SNTG2: variants seen among roughly 807,000 people sequenced by gnomAD.
SNTG2 encodes syntrophin gamma 2.
SNTG2 carries 74 observed loss-of-function variants against 70.9 expected under a neutral mutation model. That is an observed-to-expected ratio of 1.04 (90% CI 0.86 to 1.27). SNTG2 has a LOEUF of 1.27. Ranked by LOEUF, SNTG2 falls within the 50% of genes most tolerant of loss-of-function variation. The pLI, the probability that SNTG2 is intolerant of heterozygous loss-of-function variation, is 0.00. For synonymous variants in SNTG2, 278 were observed against 273.8 expected (o/e 1.02, Z -0.15); for missense variants, 717 against 690.7 (o/e 1.04, Z -0.43).
intron 1 of SNTG2, among the ~76,000 whole-genome samples, chr2:1,005,806 AAT>A (rs56246912): frequency 3.2e-5 from 1 of 31,268 alleles, no homozygotes; most frequent in African/African-American, 1.3e-4. Flanking sequence ...TCTGCCTCAA[AAT>A]ATATATATAT....
At chr2:1,212,804 C>G (rs1290898484) in intron 9 of SNTG2, among the ~76,000 whole-genome samples, 1 of 152,110 alleles carries the variant, frequency 6.6e-6, no homozygotes, top group Admixed American at 6.6e-5. Flanking sequence ...GTGTTGATCC[C>G]AGTGGATGGA....
chr2:1,117,075 A>G (rs112339871), intron 4 of SNTG2, among the ~76,000 whole-genome samples: 2 of 104,510 alleles, frequency 1.9e-5, no homozygotes, highest in Non-Finnish European at 2.0e-5. Context: ...GTGCCCCAAT[A>G]TGTGGGTGCC....
At position 1,097,906 on chromosome 2, in the gene SNTG2, C is replaced by T. The variant is rs979184564; in HGVS notation, c.211-290C>T. On this transcript the variant is annotated intron_variant, in intron 2 of 16. Coordinates refer to ENST00000308624, the MANE Select transcript of SNTG2 (RefSeq NM_018968.4). This position sits in a 1 kb window ranked among gnomAD's most constrained non-coding sequence, Gnocchi z 4.1. Reference sequence around the variant, plus strand: ...GACCCCTCGTTTCTTCATGGAGCTCCGTTCCTCACAAGCAGAATGCAGACG... The same window carrying T: ...GACCCCTCGTTTCTTCATGGAGCTCTGTTCCTCACAAGCAGAATGCAGACG... Among the ~76,000 whole-genome samples the T allele has an allele frequency of 2.0e-5, 3 of 151,642 alleles. No individual in the cohort carries two copies. Among genetic ancestry groups the T allele is most frequent in the Non-Finnish European group, 2.9e-5 (2 of 67,974 alleles).
intron 1 of SNTG2, among the ~76,000 whole-genome samples, chr2:983,003 A>C: frequency 6.6e-6 from 1 of 151,784 alleles, no homozygotes; most frequent in East Asian, 1.9e-4. Flanking sequence ...GGTGGTCAGG[A>C]TGAAGAAGCT....
At chr2:1,312,566 T>G (rs1461126262) in intron 15 of SNTG2, among the ~76,000 whole-genome samples, 2 of 152,182 alleles carry the variant, frequency 1.3e-5, no homozygotes, top group Non-Finnish European at 2.9e-5. Flanking sequence ...TGGCCATACG[T>G]GTAGGACCAA....
At chr2:970,957 T>C (rs926125850) in intron 1 of SNTG2, among the ~76,000 whole-genome samples, 1 of 152,170 alleles carries the variant, frequency 6.6e-6, no homozygotes, top group Non-Finnish European at 1.5e-5. Flanking sequence ...AGATATCATC[T>C]CACACCAGTT....
intron 14 of SNTG2, among the ~76,000 whole-genome samples, chr2:1,282,076 G>A (rs1234814701): frequency 3.3e-5 from 5 of 152,160 alleles, no homozygotes; most frequent in Non-Finnish European, 5.9e-5. Context: ...TATCAAAACC[G>A]TAATAAATAT....
intron 1 of SNTG2, among the ~76,000 whole-genome samples, chr2:1,071,158 C>A (rs1444974284): frequency 1.3e-5 from 2 of 152,064 alleles, no homozygotes; most frequent in African/African-American, 2.4e-5. Context: ...TGGGTATATA[C>A]CCAAATGACT....
intron 4 of SNTG2, among the ~76,000 whole-genome samples, chr2:1,102,892 C>G (rs558874346): frequency 6.6e-6 from 1 of 152,208 alleles, no homozygotes; most frequent in Non-Finnish European, 1.5e-5. Context: ...TCAGCTCACT[C>G]GCACCTTGAA....
intron 6 of SNTG2, among the ~76,000 whole-genome samples, chr2:1,155,676 G>A (rs1669848299): frequency 6.6e-6 from 1 of 152,132 alleles, no homozygotes; most frequent in African/African-American, 2.4e-5. Flanking sequence ...CCCATTGCTT[G>A]GGGGACCTGC....
intron 9 of SNTG2, among the ~76,000 whole-genome samples, chr2:1,221,441 C>G (rs1005221685): frequency 7.1e-6 from 1 of 140,924 alleles, no homozygotes. Context: ...CTCTCTGTCT[C>G]TGTCTCTGTC....
intron 4 of SNTG2, among the ~76,000 whole-genome samples, chr2:1,104,312 C>G (rs1312962020): frequency 6.6e-6 from 1 of 152,140 alleles, no homozygotes; most frequent in South Asian, 2.1e-4. Flanking sequence ...TAATAACTTC[C>G]TAGTGTAGTA....
intron 14 of SNTG2, among the ~76,000 whole-genome samples, chr2:1,301,631 A>C (rs1025355876): frequency 1.3e-5 from 2 of 152,206 alleles, no homozygotes; most frequent in Non-Finnish European, 2.9e-5. Flanking sequence ...AAAACGATTC[A>C]AATTATAGTG....
At position 1,081,429 on chromosome 2, in the gene SNTG2, T is replaced by C. The variant is rs76174433; in HGVS notation, c.73-2089T>C. 2.4e-3 allele frequency among the ~76,000 whole-genome samples: 369 copies of C among 152,356 alleles called. 9 individuals are homozygous for C. In the East Asian group the frequency reaches 0.054, roughly 22 times the overall value. The stretch of plus-strand genomic sequence containing the variant: ...CAGTCGAGTGTTCACTTATAAGAGT[T>C]ACACGTTACACACACTCATGGGGAA... On this transcript the variant is annotated intron_variant, in intron 1 of 16. Coordinates refer to ENST00000308624, the MANE Select transcript of SNTG2 (RefSeq NM_018968.4).
chr2:1,161,954 G>A (rs772702371), intron 6 of SNTG2, among the ~76,000 whole-genome samples: 5 of 151,744 alleles, frequency 3.3e-5, no homozygotes, highest in Admixed American at 2.0e-4. Context: ...GGCGCCTGTA[G>A]TCCCAGCTAC....
At chr2:1,325,487 A>T (rs888205841) in intron 16 of SNTG2, among the ~76,000 whole-genome samples, 1 of 152,196 alleles carries the variant, frequency 6.6e-6, no homozygotes, top group Non-Finnish European at 1.5e-5. Context: ...ACTCTGTTTA[A>T]TGTTGTGTTA....
chr2:1,233,578 A>T (rs1355866752), intron 9 of SNTG2, among the ~76,000 whole-genome samples: 1 of 152,214 alleles, frequency 6.6e-6, no homozygotes, highest in Non-Finnish European at 1.5e-5. Flanking sequence ...TCAAGAGCGC[A>T]GGAAGAACGG....
chr2:1,222,238 T>A (rs1382610533), intron 9 of SNTG2, among the ~76,000 whole-genome samples: 1 of 152,262 alleles, frequency 6.6e-6, no homozygotes, highest in Non-Finnish European at 1.5e-5. Flanking sequence ...ATTATTCGTT[T>A]TTTTTCATTT....
intron 16 of SNTG2, among the ~76,000 whole-genome samples, chr2:1,319,766 G>T (rs1453644358): frequency 6.6e-6 from 1 of 152,170 alleles, no homozygotes; most frequent in African/African-American, 2.4e-5. Context: ...GTGACCGTGG[G>T]CATTTTCAGA....
Sources: gnomAD v4.1 joint callset for allele counts (sites outside exome capture counted in the v4.1 genomes callset) on GRCh38, gnomAD v4.1.1 for gene constraint, Gnocchi (gnomAD v3.1) non-coding constraint, MANE v1.5 for transcripts, NCBI Gene and HGNC (gene_info 2026-07-23, HGNC 2026-07-21) for gene names.